Variants in TENM1 observed in about 807,000 individuals in gnomAD.
The protein encoded by TENM1 is teneurin-1.
A neutral mutation model predicts 174.8 loss-of-function variants in TENM1; 35 were observed. That is an observed-to-expected ratio of 0.20 (90% confidence interval 0.15 to 0.27). TENM1 has a LOEUF of 0.27. Among genes scored for constraint, TENM1 ranks in the 10% least tolerant of loss-of-function variants. TENM1 has a pLI of 1.00. For synonymous variants in TENM1, 781 were observed against 798.7 expected (o/e 0.98, Z 0.37); for missense variants, 1,633 against 2,130.1 (o/e 0.77, Z 4.59).
intron 13 of TENM1, among the ~76,000 whole-genome samples, chrX:124,563,473 A>T (rs1482721922): frequency 9.2e-6 from 1 of 109,223 alleles, no homozygotes; most frequent in Non-Finnish European, 1.9e-5. Context: ...ACACACATAC[A>T]CAGAACTCAA....
intron 11 of TENM1, among the ~76,000 whole-genome samples, chrX:124,604,757 T>C (rs1251562328): frequency 1.8e-5 from 2 of 110,879 alleles, no homozygotes; most frequent in East Asian, 5.7e-4. Flanking sequence ...TCCTGATACA[T>C]AGAAATGCAT....
intron 25 of TENM1, among the ~76,000 whole-genome samples, chrX:124,413,043 C>CA (rs374855975): frequency 3.0e-4 from 34 of 111,867 alleles, no homozygotes; most frequent in African/African-American, 1.1e-3. Context: ...GGGGGACCAG[C>CA]ATTGCTGGAG....
chrX:124,798,164 G>A (rs2055351873), intron 3 of TENM1, among the ~76,000 whole-genome samples: 1 of 111,864 alleles, frequency 8.9e-6, no homozygotes, highest in Admixed American at 9.5e-5. Flanking sequence ...ATGTGCATGT[G>A]TCTTTATAGT....
the TENM1 span, among the ~76,000 whole-genome samples, chrX:124,989,545 G>A: frequency 1.8e-5 from 2 of 110,305 alleles, no homozygotes; most frequent in African/African-American, 3.3e-5. Context: ...AAAAGCAAAC[G>A]GCTTGAAACA....
intron 8 of TENM1, among the ~76,000 whole-genome samples, chrX:124,650,914 T>G (rs1411398018): frequency 8.9e-6 from 1 of 112,127 alleles, no homozygotes; most frequent in Non-Finnish European, 1.9e-5. Flanking sequence ...TTGATAATCT[T>G]ACGGCTGAAA....
intron 15 of TENM1, among the ~76,000 whole-genome samples, chrX:124,539,115 G>C (rs2048266378): frequency 9.0e-6 from 1 of 111,385 alleles, no homozygotes; most frequent in South Asian, 3.8e-4. Flanking sequence ...CCTTGACAAA[G>C]GTTTGTTTTA....
intron 4 of TENM1, among the ~76,000 whole-genome samples, chrX:124,712,402 G>C (rs2053078079): frequency 9.0e-6 from 1 of 111,412 alleles, no homozygotes; most frequent in Non-Finnish European, 1.9e-5. Flanking sequence ...TCATGGGTGT[G>C]AGGTGATATC....
chrX:124,387,234 T>A (rs1458985185), intron 28 of TENM1, among the ~76,000 whole-genome samples: 1 of 110,432 alleles, frequency 9.1e-6, no homozygotes. Context: ...CCCAAACTGA[T>A]CTGTATTTTA....
intron 3 of TENM1, among the ~76,000 whole-genome samples, chrX:124,760,399 C>T (rs1162104377): frequency 9.0e-6 from 1 of 111,518 alleles, no homozygotes; most frequent in Non-Finnish European, 1.9e-5. Context: ...TCCTCTTTTC[C>T]TAATTGAATC....
chrX:124,598,258 G>C (rs900934508), intron 11 of TENM1, among the ~76,000 whole-genome samples: 1 of 111,153 alleles, frequency 9.0e-6, no homozygotes. Flanking sequence ...TGGACAAAAG[G>C]GAACCCTAGC....
chrX:125,107,166 A>G, the TENM1 span, among the ~76,000 whole-genome samples: 6 of 112,532 alleles, frequency 5.3e-5, no homozygotes, highest in Non-Finnish European at 9.4e-5. Flanking sequence ...TTTTAGCAAC[A>G]GTGAAATAAC....
chrX:125,058,182 A>G, the TENM1 span, among the ~76,000 whole-genome samples: 1 of 111,936 alleles, frequency 8.9e-6, no homozygotes, highest in Non-Finnish European at 1.9e-5. Context: ...CAATAGAAGT[A>G]TAAACAAAGC....
chrX:125,151,168 C>T, the TENM1 span, among the ~76,000 whole-genome samples: 1 of 112,112 alleles, frequency 8.9e-6, no homozygotes. Context: ...GTAAACTTAA[C>T]AAATAAATCA....
intron 23 of TENM1, among the ~76,000 whole-genome samples, chrX:124,451,428 A>G (rs1386031299): frequency 1.8e-5 from 2 of 112,285 alleles, no homozygotes; most frequent in Non-Finnish European, 3.8e-5. Context: ...TATATTCATT[A>G]AAAAAGATGT....
At chrX:125,087,498 T>A in the TENM1 span, among the ~76,000 whole-genome samples, 2 of 110,997 alleles carry the variant, frequency 1.8e-5, no homozygotes, top group Non-Finnish European at 3.8e-5. Context: ...TGAGTAAAAA[T>A]ATGAGGTCAC....
intron 28 of TENM1, among the ~76,000 whole-genome samples, chrX:124,391,706 C>T (rs1449716136): frequency 8.9e-6 from 1 of 111,842 alleles, no homozygotes; most frequent in African/African-American, 3.3e-5. Context: ...TACATTAACA[C>T]AATTTTATAA....
At chrX:125,176,825 T>G in the TENM1 span, among the ~76,000 whole-genome samples, 2 of 111,764 alleles carry the variant, frequency 1.8e-5, no homozygotes, top group African/African-American at 6.5e-5. Context: ...CTTTTCAAAC[T>G]ACTGCTCAGC....
the TENM1 span, among the ~76,000 whole-genome samples, chrX:124,996,798 A>C: frequency 9.0e-6 from 1 of 111,370 alleles, no homozygotes; most frequent in Admixed American, 9.6e-5. Context: ...TGGAGGATAT[A>C]CATCAAGAGA....
chrX:124,729,608 A>T (rs1355255405), intron 4 of TENM1, among the ~76,000 whole-genome samples: 4 of 112,375 alleles, frequency 3.6e-5, no homozygotes, highest in African/African-American at 1.3e-4. Context: ...TTTGAGAAGA[A>T]GGCTTGGAGA....
Sources: gnomAD v4.1 joint callset for allele counts (sites outside exome capture counted in the v4.1 genomes callset) on GRCh38, gnomAD v4.1.1 for gene constraint, MANE v1.5 for transcripts, NCBI Gene and HGNC (gene_info 2026-07-23, HGNC 2026-07-21) for gene names.